TBL1X: variants seen among roughly 807,000 people sequenced by gnomAD.
TBL1X encodes the protein F-box-like/WD repeat-containing protein TBL1X.
Under a neutral mutation model 50.7 loss-of-function variants are expected in TBL1X, and 10 were observed. The observed-to-expected ratio is 0.20, with a 90% CI of 0.12 to 0.33. The LOEUF (loss-of-function observed/expected upper bound fraction) is 0.33, where lower values mean the gene tolerates loss of function less well. Ranked by LOEUF, TBL1X falls within the 10% of genes least tolerant of loss-of-function variation. The pLI is 1.00. For synonymous variants in TBL1X, 190 were observed against 214.7 expected, an observed-to-expected ratio of 0.88 and a Z score of 1.01; for missense variants, 340 against 504.4, an observed-to-expected ratio of 0.67 and a Z score of 3.12.
chrX:9,583,361 G>A (rs928717143), intron 2 of TBL1X, among the ~76,000 whole-genome samples: 4 of 112,177 alleles, frequency 3.6e-5, no homozygotes, highest in African/African-American at 1.3e-4. Context: ...TTTCCCAAAT[G>A]AGGTCACATT....
At chrX:9,670,468 T>G (rs2082954518) in intron 5 of TBL1X, among the ~76,000 whole-genome samples, 1 of 112,067 alleles carries the variant, frequency 8.9e-6, no homozygotes, top group Non-Finnish European at 1.9e-5. Context: ...CAGTCTCCCG[T>G]ACAGCCGGCT....
chrX:9,585,033 A>T (rs1433008873), intron 2 of TBL1X, among the ~76,000 whole-genome samples: 1 of 111,929 alleles, frequency 8.9e-6, no homozygotes, highest in African/African-American at 3.3e-5. Context: ...CTGCAAGGAG[A>T]GAAGATTCTC....
chrX:9,591,563 G>T (rs1380597906), intron 2 of TBL1X, among the ~76,000 whole-genome samples: 1 of 112,422 alleles, frequency 8.9e-6, no homozygotes, highest in Non-Finnish European at 1.9e-5. Context: ...CAGGTAAGGG[G>T]GTGGAGGTGT....
chrX:9,563,655 G>A (rs1457977267), intron 2 of TBL1X, among the ~76,000 whole-genome samples: 3 of 112,558 alleles, frequency 2.7e-5, no homozygotes, highest in Non-Finnish European at 3.8e-5. Flanking sequence ...AATTCAGTTT[G>A]TCTCACACTA....
At chrX:9,562,833 A>C (rs889768665) in intron 2 of TBL1X, among the ~76,000 whole-genome samples, 5 of 111,942 alleles carry the variant, frequency 4.5e-5, no homozygotes, top group African/African-American at 1.6e-4. Flanking sequence ...CACCTATTAC[A>C]TGCCCACTGT....
At chrX:9,715,993 C>T (rs1019986380) in intron 17 of TBL1X, among the ~76,000 whole-genome samples, 7 of 112,205 alleles carry the variant, frequency 6.2e-5, no homozygotes, top group African/African-American at 2.3e-4. Flanking sequence ...CTTAACCTGG[C>T]CTTTCTGCTC....
Position 9,546,803 on chromosome X carries a change from A to ATTTTTT in TBL1X, c.-131+44982_-131+44987dup, listed in dbSNP as rs774181046. On this transcript the variant is annotated intron_variant, in intron 2 of 17. Coordinates refer to ENST00000645353, the MANE Select transcript of TBL1X (RefSeq NM_005647.4). ...ATCACTATGGATTCATTTATTCTTA[A>ATTTTTT]TTTTTTTTTTTTTTTTTTTTTTTTT... 1.3e-3 allele frequency among the ~76,000 whole-genome samples: 60 copies of ATTTTTT among 44,992 alleles called. 6 individuals are homozygous for ATTTTTT. Among genetic ancestry groups the ATTTTTT allele is most frequent in the Non-Finnish European group, 1.6e-3 (43 of 26,092 alleles). The allele number at this position is 44,992 out of a possible 115,157, so 39.1% of individuals were successfully genotyped here.
chrX:9,498,725 G>GC (rs962042458), intron 1 of TBL1X, among the ~76,000 whole-genome samples: 1 of 112,315 alleles, frequency 8.9e-6, no homozygotes, highest in East Asian at 2.8e-4. Context: ...GGAATCACAT[G>GC]CCCCCCCACT....
chrX:9,605,314 A>C (rs2082577772), intron 2 of TBL1X, among the ~76,000 whole-genome samples: 1 of 112,452 alleles, frequency 8.9e-6, no homozygotes, highest in South Asian at 3.7e-4. Context: ...TGTCACACTC[A>C]TAAACAAGCT....
At position 9,559,481 on chromosome X, in the gene TBL1X, A is replaced by G. The variant is rs1177710845; in HGVS notation, c.-131+57632A>G. Among the ~76,000 whole-genome samples the G allele has an allele frequency of 8.1e-5, 9 of 111,550 alleles. No individual in the cohort carries two copies. The Admixed American group carries it at 8.6e-4, about 11-fold the overall frequency. ...CTGTTGAAGTACATCAAGACGAAGT[A>G]TATTTCTAAATTTATTACGATGAAT... On this transcript the variant is annotated intron_variant, in intron 2 of 17. Transcript: ENST00000645353.
intron 2 of TBL1X, among the ~76,000 whole-genome samples, chrX:9,567,367 G>A (rs1205231419): frequency 2.7e-5 from 3 of 111,123 alleles, no homozygotes; most frequent in East Asian, 2.8e-4. Flanking sequence ...AGCGTGCACC[G>A]CCACTGCAGC....
intron 2 of TBL1X, among the ~76,000 whole-genome samples, chrX:9,563,064 T>C (rs113435523): frequency 0.026 from 2,889 of 112,846 alleles, 93 homozygotes; most frequent in African/African-American, 0.086. Flanking sequence ...GCTGCCGTTC[T>C]GGCTTCTGCC....
At chrX:9,671,051 GT>G (rs1467152856) in intron 5 of TBL1X, among the ~76,000 whole-genome samples, 1 of 112,214 alleles carries the variant, frequency 8.9e-6, no homozygotes, top group Non-Finnish European at 1.9e-5. Flanking sequence ...ATGCTTTGAT[GT>G]GATCTCATTA....
At chrX:9,697,248 A>C in intron 11 of TBL1X, 121 bp from the exon 12 acceptor site, 1 of 907,313 alleles carries the variant, frequency 1.1e-6, no homozygotes, top group Non-Finnish European at 1.5e-6. Flanking sequence ...CTCACTCTCT[A>C]TCTCTATTGG....
intron 3 of TBL1X, chrX:9,645,052 A>G (rs771280644): frequency 9.0e-6 from 1 of 111,619 alleles, no homozygotes; most frequent in Non-Finnish European, 1.9e-5. Flanking sequence ...CTCATTTCCT[A>G]TATAGTTGTT....
chrX:9,471,307 G>T (rs929331458), intron 1 of TBL1X, among the ~76,000 whole-genome samples: 41 of 111,991 alleles, frequency 3.7e-4, no homozygotes, highest in African/African-American at 1.3e-3. Flanking sequence ...GCCTGAGGTG[G>T]TCTACCTGGT....
At chrX:9,699,616 G>T in intron 12 of TBL1X, among the ~76,000 whole-genome samples, 1 of 111,819 alleles carries the variant, frequency 8.9e-6, no homozygotes, top group East Asian at 2.8e-4. Flanking sequence ...GGCGCCTGGG[G>T]AGGGCTCCAG....
chrX:9,578,885 C>G (rs1471884247), intron 2 of TBL1X, among the ~76,000 whole-genome samples: 1 of 111,979 alleles, frequency 8.9e-6, no homozygotes, highest in Non-Finnish European at 1.9e-5. Context: ...GATGTGTCAG[C>G]GTCTTAATAA....
intron 2 of TBL1X, among the ~76,000 whole-genome samples, chrX:9,529,863 G>A (rs1175812847): frequency 9.0e-6 from 1 of 110,591 alleles, no homozygotes; most frequent in Admixed American, 9.6e-5. Context: ...GGGAGCCTGG[G>A]AGGTTGAGGC....
Sources: allele counts gnomAD v4.1 joint callset (sites outside exome capture counted in the v4.1 genomes callset), GRCh38; gene constraint gnomAD v4.1.1; transcripts MANE v1.5; gene names NCBI Gene and HGNC (gene_info 2026-07-23, HGNC 2026-07-21).